TWSG1: variants seen among roughly 807,000 people sequenced by gnomAD.
TWSG1 encodes the protein twisted gastrulation protein homolog 1.
TWSG1 carries 15 observed loss-of-function variants against 23.0 expected under a neutral mutation model. The observed-to-expected ratio is 0.65, with a 90% CI of 0.44 to 1.00. The LOEUF (loss-of-function observed/expected upper bound fraction) is 1.00. Ranked by LOEUF, TWSG1 falls within the 50% of genes least tolerant of loss-of-function variation. The probability of loss-of-function intolerance (pLI) is 0.00; values close to 1 mark genes in which losing one functional copy is unlikely to be tolerated. For missense variants in TWSG1, 242 were observed against 278.7 expected, an observed-to-expected ratio of 0.87 and a Z score of 0.94; for synonymous variants, 86 against 92.8, an observed-to-expected ratio of 0.93 and a Z score of 0.42.
chr18:9,381,320 C>G (rs572249650), intron 3 of TWSG1, among the ~76,000 whole-genome samples: 1 of 152,264 alleles, frequency 6.6e-6, no homozygotes, highest in Admixed American at 6.5e-5. Context: ...CTCAGGACCC[C>G]TCTATACTCT....
chr18:9,387,213 T>C (rs2040688653), intron 3 of TWSG1, among the ~76,000 whole-genome samples: 2 of 152,166 alleles, frequency 1.3e-5, no homozygotes, highest in Admixed American at 6.5e-5. Context: ...TTTCAAGATA[T>C]GCTGAAACAT....
intron 3 of TWSG1, among the ~76,000 whole-genome samples, chr18:9,367,129 A>C (rs1284144433): frequency 1.3e-5 from 2 of 152,068 alleles, no homozygotes; most frequent in African/African-American, 2.4e-5. Context: ...ATGGGGTCTC[A>C]ATGTGTTATC....
chr18:9,376,067 A>C (rs2040629049), intron 3 of TWSG1, among the ~76,000 whole-genome samples: 1 of 152,042 alleles, frequency 6.6e-6, no homozygotes. Flanking sequence ...GGTGCCTGCC[A>C]CCATGCCCAG....
rs192136443 is a variant in TWSG1 at position 9,358,507 on chromosome 18, C to T, written c.124-1465C>T. 1.5e-3 allele frequency among the ~76,000 whole-genome samples: 230 copies of T among 152,178 alleles called. 2 individuals are homozygous for T. The highest frequency in any genetic ancestry group is 3.4e-4 in the Non-Finnish European group (23 of 68,016). On this transcript the variant is annotated intron_variant, in intron 2 of 4. Coordinates refer to ENST00000262120, the MANE Select transcript of TWSG1 (RefSeq NM_020648.6). ...GTGGGAATCAAAGGCAGGTAGCAGC[C>T]AATCAGGGCAGACATTCCAAACTGT... is the stretch of plus-strand genomic sequence containing the variant.
At chr18:9,398,333 C>T (rs1355802754) in intron 4 of TWSG1, among the ~76,000 whole-genome samples, 1 of 152,110 alleles carries the variant, frequency 6.6e-6, no homozygotes, top group African/African-American at 2.4e-5. Flanking sequence ...CTGGAAACTC[C>T]AGCTGTCTTC....
intron 3 of TWSG1, among the ~76,000 whole-genome samples, chr18:9,379,430 A>C (rs1303547708): frequency 6.6e-6 from 1 of 152,140 alleles, no homozygotes; most frequent in Non-Finnish European, 1.5e-5. Flanking sequence ...ACAGAAAACC[A>C]AAGACCGTTA....
At chr18:9,338,807 C>T (rs768656445) in intron 2 of TWSG1, among the ~76,000 whole-genome samples, 5 of 152,164 alleles carry the variant, frequency 3.3e-5, no homozygotes, top group Admixed American at 6.5e-5. Flanking sequence ...AGTCTCATAA[C>T]ATTTGCTGTA....
At chr18:9,364,666 C>T (rs1298399806) in intron 3 of TWSG1, among the ~76,000 whole-genome samples, 1 of 151,952 alleles carries the variant, frequency 6.6e-6, no homozygotes, top group Admixed American at 6.6e-5. Flanking sequence ...TGGTGGTAGG[C>T]ACCTGTAATC....
chr18:9,396,949 G>A (rs764684081), intron 4 of TWSG1: 28 of 189,154 alleles, frequency 1.5e-4, no homozygotes, highest in Non-Finnish European at 2.7e-4. Flanking sequence ...GTCCAGCTAC[G>A]AGGGAGGCTG....
intron 2 of TWSG1, among the ~76,000 whole-genome samples, chr18:9,353,410 C>G (rs187213164): frequency 2.9e-4 from 44 of 152,272 alleles, no homozygotes; most frequent in Admixed American, 8.5e-4. Context: ...TTCCCTCAAA[C>G]TTTTCATCCT....
chr18:9,364,181 A>T (rs1051963202), intron 3 of TWSG1, among the ~76,000 whole-genome samples: 3 of 152,178 alleles, frequency 2.0e-5, no homozygotes, highest in African/African-American at 7.2e-5. Flanking sequence ...TTCAAAATAA[A>T]CCACATTCTG....
intron 3 of TWSG1, among the ~76,000 whole-genome samples, chr18:9,383,278 C>T (rs1451248849): frequency 4.0e-5 from 6 of 150,542 alleles, no homozygotes; most frequent in African/African-American, 1.5e-4. Flanking sequence ...ACTGCAGACT[C>T]CGCCTCCCAG....
At chr18:9,371,626 C>T (rs1412323921) in intron 3 of TWSG1, among the ~76,000 whole-genome samples, 1 of 151,942 alleles carries the variant, frequency 6.6e-6, no homozygotes. Context: ...GTTTGCCTTC[C>T]TTATCCTAAA....
intron 1 of TWSG1, 76 bp from the exon 2 acceptor site, chr18:9,337,117 T>C: frequency 7.9e-7 from 1 of 1,264,380 alleles, no homozygotes; most frequent in Admixed American, 2.0e-5. Context: ...TCTTAGTTTA[T>C]GTTTTGTTTC....
chr18:9,378,352 A>G (rs1568037580), intron 3 of TWSG1, among the ~76,000 whole-genome samples: 1 of 152,214 alleles, frequency 6.6e-6, no homozygotes, highest in Non-Finnish European at 1.5e-5. Context: ...ACACAATTCT[A>G]TATCTAGAAA....
intron 2 of TWSG1, among the ~76,000 whole-genome samples, chr18:9,350,285 A>G (rs1401165529): frequency 6.6e-6 from 1 of 152,062 alleles, no homozygotes; most frequent in Admixed American, 6.5e-5. Context: ...TTCCCTCCAA[A>G]TGTTTAATGC....
At chr18:9,343,989 C>G (rs62087466) in intron 2 of TWSG1, among the ~76,000 whole-genome samples, 18,327 of 152,234 alleles carry the variant, frequency 0.12, 1,292 homozygotes, top group Middle Eastern at 0.27. Flanking sequence ...TAACCTTGAA[C>G]TCCTGGGCTC....
At chr18:9,349,813 C>G (rs2040493466) in intron 2 of TWSG1, among the ~76,000 whole-genome samples, 1 of 152,070 alleles carries the variant, frequency 6.6e-6, no homozygotes, top group South Asian at 2.1e-4. Context: ...TAAATTGTTT[C>G]TTTCCTCTTC....
Position 9,375,162 on chromosome 18 carries a change from G to A in TWSG1, c.223+15091G>A, listed in dbSNP as rs1345147705. On this transcript the variant is annotated intron_variant, in intron 3 of 4. Coordinates refer to ENST00000262120, the MANE Select transcript of TWSG1 (RefSeq NM_020648.6). ...AGCCTGGGTGACAGAGCGATACTCC[G>A]TCTCAAAAAAAAAAAAAAAAAAAAA... 1.2e-4 allele frequency among the ~76,000 whole-genome samples: 8 copies of A among 66,146 alleles called. No homozygotes were observed. The South Asian group carries it at 4.3e-3, about 36-fold the overall frequency. 43.4% of individuals were successfully genotyped at this position (66,146 alleles called of 152,430 possible).
Sources: allele counts gnomAD v4.1 joint callset (sites outside exome capture counted in the v4.1 genomes callset), GRCh38; gene constraint gnomAD v4.1.1; transcripts MANE v1.5; gene names NCBI Gene and HGNC (gene_info 2026-07-23, HGNC 2026-07-21).